The following LOC128462377 variants were observed in gnomAD, a reference collection of about 807,000 sequenced individuals.
the LOC128462377 span, among the ~76,000 whole-genome samples, chr16:89,372,301 G>A: frequency 6.6e-6 from 1 of 152,246 alleles, no homozygotes; most frequent in Admixed American, 6.5e-5. Context: ...GGCAGGCGGA[G>A]GCGGCGGCAG....
chr16:89,330,653 TGAC>T, the LOC128462377 span, among the ~76,000 whole-genome samples: 11 of 8,660 alleles, frequency 1.3e-3, no homozygotes, highest in Non-Finnish European at 2.0e-3. Flanking sequence ...CCCAGTACAG[TGAC>T]TGGGGGGGGG....
At chr16:89,415,323 G>C in the LOC128462377 span, among the ~76,000 whole-genome samples, 1 of 141,762 alleles carries the variant, frequency 7.1e-6, no homozygotes, top group Non-Finnish European at 1.5e-5. Context: ...GGAGCGCAGT[G>C]GTGCGATCTC....
the LOC128462377 span, among the ~76,000 whole-genome samples, chr16:89,344,163 G>A: frequency 6.6e-6 from 1 of 152,198 alleles, no homozygotes; most frequent in East Asian, 1.9e-4. Flanking sequence ...GCACACACGG[G>A]CAACCCTGGC....
chr16:89,346,528 G>A, the LOC128462377 span, among the ~76,000 whole-genome samples: 8 of 152,192 alleles, frequency 5.3e-5, no homozygotes, highest in African/African-American at 1.4e-4. Flanking sequence ...TACACCACAC[G>A]CCTAAAAACT....
chr16:89,386,414 G>T, the LOC128462377 span, among the ~76,000 whole-genome samples: 1 of 152,126 alleles, frequency 6.6e-6, no homozygotes, highest in Non-Finnish European at 1.5e-5. Context: ...TTTACCCAAG[G>T]AGACGCCAGA....
chr16:89,394,076 T>C, the LOC128462377 span, among the ~76,000 whole-genome samples: 4 of 152,108 alleles, frequency 2.6e-5, no homozygotes, highest in Non-Finnish European at 5.9e-5. Flanking sequence ...CCCGCCTCCC[T>C]AGCCCTCCTG....
chr16:89,327,188 C>A, the LOC128462377 span, among the ~76,000 whole-genome samples: 1 of 152,218 alleles, frequency 6.6e-6, no homozygotes, highest in Non-Finnish European at 1.5e-5. Flanking sequence ...CAGTCAACGT[C>A]ACCCAGCATG....
chr16:89,361,468 G>C, the LOC128462377 span: 1 of 152,272 alleles, frequency 6.6e-6, no homozygotes, highest in Admixed American at 6.5e-5. Flanking sequence ...GTTTGTGCCA[G>C]TCCACCTGTT....
chr16:89,406,093 A>G, the LOC128462377 span, among the ~76,000 whole-genome samples: 2 of 149,816 alleles, frequency 1.3e-5, no homozygotes, highest in African/African-American at 5.0e-5. Context: ...CTGGGTGACA[A>G]AGGGAGATTC....
At chr16:89,406,691 G>A in the LOC128462377 span, among the ~76,000 whole-genome samples, 1 of 152,190 alleles carries the variant, frequency 6.6e-6, no homozygotes, top group African/African-American at 2.4e-5. Flanking sequence ...CCTGGAGGAA[G>A]GAAGGACAGA....
At chr16:89,379,229 T>C in the LOC128462377 span, among the ~76,000 whole-genome samples, 3 of 152,260 alleles carry the variant, frequency 2.0e-5, no homozygotes, top group Non-Finnish European at 4.4e-5. Context: ...CGTCTGTATG[T>C]GCGTCACAGG....
the LOC128462377 span, chr16:89,373,084 TCTC>T: frequency 6.6e-6 from 1 of 152,126 alleles, no homozygotes; most frequent in Non-Finnish European, 1.5e-5. Flanking sequence ...AAAGAACTCT[TCTC>T]CCGCTGCATA....
chr16:89,363,797 T>C, the LOC128462377 span, among the ~76,000 whole-genome samples: 2 of 152,056 alleles, frequency 1.3e-5, no homozygotes, highest in Non-Finnish European at 2.9e-5. Flanking sequence ...GACTCATGCC[T>C]GGAGCACAGC....
chr16:89,337,358 G>C, the LOC128462377 span, among the ~76,000 whole-genome samples: 1 of 147,334 alleles, frequency 6.8e-6, no homozygotes, highest in Admixed American at 6.8e-5. Context: ...CATTGGATTT[G>C]CCATCAGACA....
chr16:89,355,841 G>A, the LOC128462377 span, among the ~76,000 whole-genome samples: 5 of 152,192 alleles, frequency 3.3e-5, no homozygotes, highest in African/African-American at 1.2e-4. Flanking sequence ...CCTGTGCGCA[G>A]CCCAATGGAA....
the LOC128462377 span, among the ~76,000 whole-genome samples, chr16:89,402,045 T>C: frequency 6.6e-6 from 1 of 150,952 alleles, no homozygotes; most frequent in Non-Finnish European, 1.5e-5. Flanking sequence ...TGGTCTGTGG[T>C]GATTTATCAC....
chr16:89,379,299 A>C, the LOC128462377 span, among the ~76,000 whole-genome samples: 1 of 152,230 alleles, frequency 6.6e-6, no homozygotes, highest in Non-Finnish European at 1.5e-5. Flanking sequence ...ACCTTGTGCC[A>C]GTTCCTAAGT....
the LOC128462377 span, among the ~76,000 whole-genome samples, chr16:89,413,932 C>A: frequency 2.0e-5 from 3 of 152,164 alleles, no homozygotes; most frequent in South Asian, 6.2e-4. Context: ...CCACCTCCAA[C>A]CTGGCCACCC....
the LOC128462377 span, among the ~76,000 whole-genome samples, chr16:89,416,705 G>T: frequency 6.6e-6 from 1 of 151,668 alleles, no homozygotes; most frequent in African/African-American, 2.4e-5. Flanking sequence ...TGAGGCAGGA[G>T]GATTGCTTGA....
Sources: allele counts gnomAD v4.1 joint callset (sites outside exome capture counted in the v4.1 genomes callset), GRCh38; gene constraint gnomAD v4.1.1; transcripts MANE v1.5.